The following KLHDC4 variants were observed in gnomAD, a reference collection of about 807,000 sequenced individuals.
The protein encoded by KLHDC4 is kelch domain containing 4.
In KLHDC4, 90 loss-of-function variants were observed where a neutral mutation model predicts 62.4. The observed-to-expected ratio is 1.44, with a 90% CI of 1.22 to 1.72. The LOEUF is 1.72. Among genes scored for constraint, KLHDC4 ranks in the 40% most tolerant of loss-of-function variants. KLHDC4 has a pLI of 0.00. For synonymous variants in KLHDC4, 386 were observed against 284.4 expected (o/e 1.36, Z -3.59); for missense variants, 1,025 against 699.7 (o/e 1.47, Z -5.25).
chr16:87,731,897 G>C (rs2040439386), intron 5 of KLHDC4, among the ~76,000 whole-genome samples: 1 of 152,154 alleles, frequency 6.6e-6, no homozygotes, highest in South Asian at 2.1e-4. Flanking sequence ...ACAGCAATGT[G>C]AATGAATCTT....
At chr16:87,704,105 G>A (rs1478760675), downstream of KLHDC4, among the ~76,000 whole-genome samples, 1 of 152,204 alleles carries the variant, frequency 6.6e-6, no homozygotes, top group Non-Finnish European at 1.5e-5. Flanking sequence ...CGCTCCTTCT[G>A]GAGGAAGGCT....
downstream of KLHDC4, among the ~76,000 whole-genome samples, chr16:87,707,452 C>A (rs1310550238): frequency 6.6e-6 from 1 of 152,108 alleles, no homozygotes; most frequent in Non-Finnish European, 1.5e-5. Context: ...ACACGAGGAG[C>A]CCCCACCACG....
intron 3 of KLHDC4, chr16:87,755,983 A>T (rs1420758725): frequency 6.0e-6 from 1 of 167,202 alleles, no homozygotes; most frequent in East Asian, 1.5e-4. Flanking sequence ...TGTCACACAC[A>T]ATTGTGAAAC....
downstream of KLHDC4, among the ~76,000 whole-genome samples, chr16:87,702,842 G>C (rs1211212231): frequency 6.6e-6 from 1 of 152,254 alleles, no homozygotes; most frequent in Non-Finnish European, 1.5e-5. Flanking sequence ...TGCAATGACA[G>C]AGAGAACTTT....
intron 6 of KLHDC4, among the ~76,000 whole-genome samples, chr16:87,730,145 C>T (rs565287769): frequency 1.4e-4 from 21 of 152,176 alleles, no homozygotes; most frequent in African/African-American, 4.1e-4. Flanking sequence ...GTAGAGACAG[C>T]GTTTCACTAT....
At chr16:87,731,516 G>C (rs1034540958) in intron 5 of KLHDC4, among the ~76,000 whole-genome samples, 1 of 152,000 alleles carries the variant, frequency 6.6e-6, no homozygotes, top group African/African-American at 2.4e-5. Context: ...AACATCACGA[G>C]CGGTCAGGGA....
chr16:87,717,512 G>C (rs912487842), intron 7 of KLHDC4, among the ~76,000 whole-genome samples: 37 of 152,326 alleles, frequency 2.4e-4, no homozygotes, highest in Middle Eastern at 3.4e-3. Flanking sequence ...AGAGTGACCT[G>C]AATCTCAGGA....
chr16:87,762,203 G>C lies in KLHDC4; in HGVS notation c.100-163C>G, dbSNP rs186570182. 18 of 1,404,156 alleles carry C rather than the reference G, an allele frequency of 1.3e-5. No homozygotes were observed. In the East Asian group the frequency reaches 3.1e-4, roughly 24 times the overall value. The allele number at this position is 1,404,156 out of a possible 1,614,324, so 87.0% of individuals were successfully genotyped here. On this transcript the variant is annotated intron_variant, in intron 1 of 11. Transcript: ENST00000270583. ...TTGAAATGCAGAGTTTGACACATTC[G>C]AAAGTAACCAGAGCTTGACCTCAAA...
intron 1 of KLHDC4, 170 bp from the exon 2 acceptor site, chr16:87,762,210 A>G: frequency 7.2e-7 from 1 of 1,387,194 alleles, no homozygotes; most frequent in Non-Finnish European, 9.5e-7. Context: ...TTCGAAAGTA[A>G]CCAGAGCTTG....
chr16:87,745,573 T>C lies in KLHDC4; in HGVS notation c.506+3100A>G, dbSNP rs1229303677. On this transcript the variant is annotated intron_variant, in intron 5 of 11. Coordinates refer to ENST00000270583, the MANE Select transcript of KLHDC4 (RefSeq NM_017566.4). ...CCTCTTCTGGCTTCTGCTGAATGTC[T>C]TGCTCAGAAAACCTTAGCTAAGATG... Among the ~76,000 whole-genome samples, 5 of 152,266 alleles carry C rather than the reference T, an allele frequency of 3.3e-5. No individual in the cohort carries two copies. The East Asian group carries it at 5.8e-4, about 18-fold the overall frequency.
chr16:87,722,403 C>T (rs979662715), intron 7 of KLHDC4, among the ~76,000 whole-genome samples: 3 of 152,178 alleles, frequency 2.0e-5, no homozygotes, highest in Non-Finnish European at 4.4e-5. Flanking sequence ...AATCTACAGG[C>T]AGGTCCAGCC....
intron 6 of KLHDC4, among the ~76,000 whole-genome samples, 189 bp downstream of exon 6, chr16:87,730,363 C>T (rs140908922): frequency 1.5e-3 from 235 of 152,354 alleles, no homozygotes; most frequent in African/African-American, 4.5e-3. Context: ...AGGAATACAG[C>T]ATGAAGCCAG....
chr16:87,700,907 G>A, exon 1 of KLHDC4: 1 of 256,712 alleles, frequency 3.9e-6, no homozygotes, highest in South Asian at 3.3e-5. Flanking sequence ...GAGGGCGGAA[G>A]GAGTCAGTCA....
Position 87,765,784 on chromosome 16 carries a change from C to T in KLHDC4, c.99+8G>A, listed in dbSNP as rs780700440. 5.7e-6 allele frequency: 9 copies of T among 1,569,468 alleles called. No homozygotes were observed. The highest frequency in any genetic ancestry group is 2.7e-5 in the African/African-American group (2 of 74,200). On this transcript the variant is annotated splice_region_variant and intron_variant, in intron 1 of 11. Coordinates refer to ENST00000270583, the MANE Select transcript of KLHDC4 (RefSeq NM_017566.4). ...GTCGGGCCGCTAAGCCCGGTCTGAC[C>T]CGCTCACCTCCTCCTTCCGCGAGCG...
At chr16:87,720,096 G>A (rs1046825032) in intron 7 of KLHDC4, among the ~76,000 whole-genome samples, 2 of 152,114 alleles carry the variant, frequency 1.3e-5, no homozygotes, top group Admixed American at 6.5e-5. Context: ...CGGCTCAGAC[G>A]CCGACCCATT....
chr16:87,765,561 G>C (rs2046529568), intron 1 of KLHDC4, among the ~76,000 whole-genome samples: 1 of 152,122 alleles, frequency 6.6e-6, no homozygotes, highest in South Asian at 2.1e-4. Flanking sequence ...AAGCAAGCAC[G>C]TTAAAGGGGG....
At position 87,700,599 on chromosome 16, in the gene KLHDC4, AGGTGGAGGGAGGAAACAG is replaced by A. The variant is rs1351357027; in HGVS notation, c.*1022_*1039del. ...GAAGAGGGTGGAGGGAGGAGAGAAG[AGGTGGAGGGAGGAAACAG>A]GGTGGAGGGAGGAGGGAGAACGCTG... On this transcript the variant is annotated 3_prime_UTR_variant, in exon 1 of 1. Coordinates refer to the KLHDC4 transcript ENST00000446344. 4.0e-5 allele frequency: 7 copies of A among 173,120 alleles called. 1 individual carries two copies. The South Asian group carries it at 4.2e-4, about 10-fold the overall frequency. The allele number at this position is 173,120 out of a possible 1,614,324, so 10.7% of individuals were successfully genotyped here.
intron 4 of KLHDC4, chr16:87,750,540 G>GGTAA (rs1258029509): frequency 3.3e-5 from 5 of 152,280 alleles, no homozygotes; most frequent in African/African-American, 4.8e-5. Context: ...CTCGTTTCAA[G>GGTAA]GTAAGAGTGA....
chr16:87,703,463 CAG>C (rs1367966764), downstream of KLHDC4: 2 of 152,470 alleles, frequency 1.3e-5, no homozygotes, highest in Non-Finnish European at 2.9e-5. Context: ...CAAAAATAAC[CAG>C]AGAGGCAGGC....
Sources: gnomAD v4.1 joint callset for allele counts (sites outside exome capture counted in the v4.1 genomes callset) on GRCh38, gnomAD v4.1.1 for gene constraint, MANE v1.5 for transcripts, NCBI Gene and HGNC (gene_info 2026-07-23, HGNC 2026-07-21) for gene names.